LHCGR: variants seen among roughly 807,000 people sequenced by gnomAD.
LHCGR encodes the protein luteinizing hormone/choriogonadotropin receptor.
In LHCGR, 55 loss-of-function variants were observed where a neutral mutation model predicts 60.7. The ratio of observed to expected loss-of-function variants is 0.91; its 90% CI spans 0.73 to 1.13. The LOEUF (loss-of-function observed/expected upper bound fraction) is 1.13. Ranked by LOEUF, LHCGR falls within the 50% of genes most tolerant of loss-of-function variation. The probability of loss-of-function intolerance (pLI) is 0.00; values close to 1 mark genes in which losing one functional copy is unlikely to be tolerated. For synonymous variants in LHCGR, 337 were observed against 316.5 expected (o/e 1.06, Z -0.69); for missense variants, 862 against 836.0 (o/e 1.03, Z -0.38).
intron 6 of LHCGR, 93 bp downstream of exon 6, chr2:48,723,363 A>T: frequency 1.2e-6 from 1 of 853,342 alleles, no homozygotes; most frequent in Non-Finnish European, 2.0e-6. Context: ...TGAGTGAGGA[A>T]TGTGGTAAAA....
chr2:48,717,886 C>G (rs1430384101), intron 6 of LHCGR, among the ~76,000 whole-genome samples: 2 of 119,552 alleles, frequency 1.7e-5, no homozygotes, highest in East Asian at 5.6e-4. Context: ...CTTGTCTCAA[C>G]TTTCTAAACA....
chr2:48,693,913 G>A (rs1386909726), intron 10 of LHCGR, among the ~76,000 whole-genome samples: 1 of 152,264 alleles, frequency 6.6e-6, no homozygotes, highest in East Asian at 1.9e-4. Flanking sequence ...TACAAATGAA[G>A]GTATCAGTTG....
chr2:48,741,896 C>A (rs1288394851), intron 1 of LHCGR, among the ~76,000 whole-genome samples: 1 of 151,926 alleles, frequency 6.6e-6, no homozygotes, highest in African/African-American at 2.4e-5. Context: ...CACAGACTGG[C>A]AAATTGGATA....
intron 8 of LHCGR, among the ~76,000 whole-genome samples, chr2:48,704,883 A>G (rs1380619554): frequency 5.9e-5 from 9 of 151,952 alleles, no homozygotes; most frequent in East Asian, 1.9e-4. Flanking sequence ...TTGTCTCTCT[A>G]TCTCCTTCAG....
chr2:48,732,216 C>G (rs868078259), intron 1 of LHCGR, among the ~76,000 whole-genome samples: 4 of 152,094 alleles, frequency 2.6e-5, no homozygotes, highest in Admixed American at 6.5e-5. Context: ...TGAGTATCTA[C>G]AATGGTTTAA....
rs1450421441 is a variant in LHCGR, at chr2:48,755,708, T to G, written c.-37A>C. On this transcript the variant is annotated 5_prime_UTR_variant, in exon 1 of 11. Transcript: ENST00000294954. The stretch of plus-strand genomic sequence containing the variant: ...TGGGCTTCTGCGGCTTGCCAGTGTC[T>G]TGGACGGCCTCTGAGTGCGGCCCGC... 10 of 1,533,244 alleles carry G rather than the reference T, an allele frequency of 6.5e-6. No homozygotes were observed. The highest frequency in any genetic ancestry group is 2.0e-5 in the Admixed American group (1 of 50,946). 95.0% of individuals were successfully genotyped at this position (1,533,244 alleles called of 1,614,324 possible). A position where few individuals can be genotyped will look rare whatever the true frequency, so the allele number is the denominator to read the frequency against.
intron 9 of LHCGR, 65 bp from the exon 10 acceptor site, chr2:48,694,369 G>T: frequency 1.1e-6 from 1 of 930,694 alleles, no homozygotes; most frequent in Non-Finnish European, 1.7e-6. Flanking sequence ...CTGACTGTGC[G>T]TCTATTTATG....
At chr2:48,739,451 G>C (rs1669337004) in intron 1 of LHCGR, among the ~76,000 whole-genome samples, 1 of 152,138 alleles carries the variant, frequency 6.6e-6, no homozygotes, top group Non-Finnish European at 1.5e-5. Context: ...AGAAAATGTG[G>C]CACATATACA....
At chr2:48,735,573 G>A (rs1048414443) in intron 1 of LHCGR, among the ~76,000 whole-genome samples, 1 of 152,120 alleles carries the variant, frequency 6.6e-6, no homozygotes, top group Admixed American at 6.6e-5. Context: ...TTGCTGTCTG[G>A]TTAGGGTCAA....
intron 6 of LHCGR, among the ~76,000 whole-genome samples, chr2:48,715,143 T>A (rs11125180): frequency 0.86 from 130,994 of 151,956 alleles, 56,720 homozygotes; most frequent in Non-Finnish European, 0.9. Flanking sequence ...ACTTTCCCTA[T>A]ACTCCTTCCC....
chr2:48,738,417 C>A (rs564290147), intron 1 of LHCGR, among the ~76,000 whole-genome samples: 2 of 152,280 alleles, frequency 1.3e-5, no homozygotes, highest in African/African-American at 2.4e-5. Context: ...ATTCTAGAGT[C>A]CCCTAATTGG....
chr2:48,746,375 G>C (rs1234577114), intron 1 of LHCGR, among the ~76,000 whole-genome samples: 1 of 152,130 alleles, frequency 6.6e-6, no homozygotes, highest in East Asian at 1.9e-4. Context: ...TTTCTTTTGG[G>C]CTCAGATATC....
chr2:48,712,942 G>A (rs1226923028), intron 7 of LHCGR, among the ~76,000 whole-genome samples: 1 of 152,096 alleles, frequency 6.6e-6, no homozygotes, highest in African/African-American at 2.4e-5. Flanking sequence ...CAATATAATA[G>A]AGGCTTTGGT....
At chr2:48,690,814 C>A (rs191082936) in intron 10 of LHCGR, among the ~76,000 whole-genome samples, 1 of 152,338 alleles carries the variant, frequency 6.6e-6, no homozygotes, top group African/African-American at 2.4e-5. Flanking sequence ...TGATGCATGT[C>A]TATCTTCTTT....
intron 6 of LHCGR, among the ~76,000 whole-genome samples, chr2:48,715,861 A>C (rs984787783): frequency 1.3e-5 from 2 of 152,178 alleles, no homozygotes; most frequent in Non-Finnish European, 2.9e-5. Context: ...AGTCAGTTCA[A>C]AGAGGGCAGG....
chr2:48,711,413 A>G (rs376618429), intron 7 of LHCGR, among the ~76,000 whole-genome samples: 1 of 152,186 alleles, frequency 6.6e-6, no homozygotes, highest in South Asian at 2.1e-4. Flanking sequence ...TTAGTATATC[A>G]GTGGTGCTTA....
At chr2:48,696,042 G>A (rs912882009) in intron 9 of LHCGR, among the ~76,000 whole-genome samples, 4 of 152,010 alleles carry the variant, frequency 2.6e-5, no homozygotes, top group Non-Finnish European at 5.9e-5. Context: ...TGTCCACAGA[G>A]GAGGTCTACA....
intron 1 of LHCGR, among the ~76,000 whole-genome samples, chr2:48,743,019 C>T (rs1052093962): frequency 1.8e-4 from 27 of 151,832 alleles, no homozygotes; most frequent in Non-Finnish European, 2.1e-4. Context: ...ATATCACCAC[C>T]GATCCCACAG....
chr2:48,710,830 A>G (rs1171437075), intron 7 of LHCGR, among the ~76,000 whole-genome samples: 6 of 152,224 alleles, frequency 3.9e-5, no homozygotes, highest in African/African-American at 1.2e-4. Flanking sequence ...GGACAGGTCT[A>G]TTTATGAGGA....
Sources: allele counts gnomAD v4.1 joint callset (sites outside exome capture counted in the v4.1 genomes callset), GRCh38; gene constraint gnomAD v4.1.1; transcripts MANE v1.5; gene names NCBI Gene and HGNC (gene_info 2026-07-23, HGNC 2026-07-21).